DLGAP2: variants seen among roughly 807,000 people sequenced by gnomAD.
DLGAP2 encodes disks large-associated protein 2.
A neutral mutation model predicts 100.3 loss-of-function variants in DLGAP2; 26 were observed. The observed-to-expected ratio is 0.26, with a 90% CI of 0.19 to 0.36. The LOEUF is 0.36. Among genes scored for constraint, DLGAP2 ranks in the 10% least tolerant of loss-of-function variants. The probability of loss-of-function intolerance (pLI) is 1.00; values close to 1 mark genes in which losing one functional copy is unlikely to be tolerated. For synonymous variants in DLGAP2, 886 were observed against 630.1 expected (o/e 1.41, Z -6.08); for missense variants, 1,858 against 1,453.2 (o/e 1.28, Z -4.53).
chr8:968,688 A>G (rs1799940557), intron 2 of DLGAP2, among the ~76,000 whole-genome samples: 1 of 152,186 alleles, frequency 6.6e-6, no homozygotes, highest in Non-Finnish European at 1.5e-5. Context: ...GACGAAAGAA[A>G]GAAAGCCCTT....
chr8:1,172,002 G>A (rs1585120210), intron 2 of DLGAP2, among the ~76,000 whole-genome samples: 1 of 152,270 alleles, frequency 6.6e-6, no homozygotes, highest in South Asian at 2.1e-4. Context: ...ATTTTGGCAT[G>A]ATTTTGCAGT....
At chr8:1,148,865 G>C (rs577117727) in intron 2 of DLGAP2, among the ~76,000 whole-genome samples, 1 of 152,242 alleles carries the variant, frequency 6.6e-6, no homozygotes, top group South Asian at 2.1e-4. Context: ...TTTGGCAAAT[G>C]TTTTGTGTGT....
chr8:809,688 G>T (rs1056214364), intron 1 of DLGAP2, among the ~76,000 whole-genome samples: 31 of 152,154 alleles, frequency 2.0e-4, no homozygotes, highest in Non-Finnish European at 3.7e-4. Flanking sequence ...TTGTTTTCAT[G>T]TGAGCTCACC....
chr8:1,310,591 G>C (rs1328280391), intron 3 of DLGAP2, among the ~76,000 whole-genome samples: 1 of 152,186 alleles, frequency 6.6e-6, no homozygotes, highest in Admixed American at 6.5e-5. Flanking sequence ...CCACATGTTA[G>C]GCCAAAAGAC....
intron 5 of DLGAP2, among the ~76,000 whole-genome samples, chr8:1,559,931 G>A (rs1174049416): frequency 6.6e-6 from 1 of 152,116 alleles, no homozygotes; most frequent in African/African-American, 2.4e-5. Context: ...CCTGATCCTG[G>A]CCCCTCCCGT....
intron 2 of DLGAP2, among the ~76,000 whole-genome samples, chr8:1,173,208 C>T (rs1252636720): frequency 2.0e-5 from 3 of 152,176 alleles, no homozygotes; most frequent in Non-Finnish European, 2.9e-5. Context: ...TTTTCGTGAA[C>T]CGCGAATGCT....
chr8:883,807 C>A (rs1220076505), intron 1 of DLGAP2, among the ~76,000 whole-genome samples: 1 of 152,206 alleles, frequency 6.6e-6, no homozygotes, highest in Non-Finnish European at 1.5e-5. Context: ...TAACTCGCAA[C>A]AGGCCCTGGT....
chr8:1,200,465 C>A (rs996828668), intron 2 of DLGAP2, among the ~76,000 whole-genome samples: 42 of 152,290 alleles, frequency 2.8e-4, no homozygotes, highest in African/African-American at 9.9e-4. Context: ...ATGCTTGTTC[C>A]TCATAAACCA....
intron 2 of DLGAP2, among the ~76,000 whole-genome samples, chr8:1,197,131 C>T (rs895272637): frequency 6.6e-6 from 1 of 152,228 alleles, no homozygotes; most frequent in African/African-American, 2.4e-5. Context: ...AGGATGCACA[C>T]CCGCATTGCA....
Position 794,522 on chromosome 8 carries a change from G to T in DLGAP2, c.18+56697G>T, listed in dbSNP as rs1050810694. 3.3e-5 allele frequency among the ~76,000 whole-genome samples: 5 copies of T among 152,312 alleles called. No homozygotes were observed. The South Asian group carries it at 1.0e-3, about 32-fold the overall frequency. On this transcript the variant is annotated intron_variant, in intron 1 of 14. Transcript: ENST00000637795. ...GGGCTGAATTAAAGGAATAGGTTGG[G>T]CTAGTTAACTGCAGCAGGAGCATGT...
intron 8 of DLGAP2, among the ~76,000 whole-genome samples, chr8:1,665,021 C>CAA (rs1374269841): frequency 1.4e-4 from 21 of 152,134 alleles, no homozygotes; most frequent in African/African-American, 5.1e-4. Flanking sequence ...GTGTGGCATG[C>CAA]AACTACATTT....
intron 2 of DLGAP2, among the ~76,000 whole-genome samples, chr8:1,165,291 G>A (rs948886096): frequency 4.2e-4 from 64 of 151,740 alleles, no homozygotes; most frequent in African/African-American, 1.4e-3. Flanking sequence ...GAGATGGGGA[G>A]AGAGACAGGG....
intron 1 of DLGAP2, among the ~76,000 whole-genome samples, chr8:822,501 A>T (rs1446657212): frequency 2.0e-5 from 3 of 152,192 alleles, no homozygotes; most frequent in African/African-American, 7.2e-5. Flanking sequence ...TGCTGTTATC[A>T]TTGGCAGTGG....
At chr8:1,526,879 G>A (rs1800812790) in intron 4 of DLGAP2, among the ~76,000 whole-genome samples, 1 of 152,230 alleles carries the variant, frequency 6.6e-6, no homozygotes, top group Non-Finnish European at 1.5e-5. Flanking sequence ...AGCAGAGCCT[G>A]GAAAGGGGGC....
At chr8:827,918 C>G (rs1585906650) in intron 1 of DLGAP2, among the ~76,000 whole-genome samples, 1 of 152,096 alleles carries the variant, frequency 6.6e-6, no homozygotes, top group East Asian at 1.9e-4. Context: ...AATTTTAAAG[C>G]TGGGTGTCCG....
intron 3 of DLGAP2, among the ~76,000 whole-genome samples, chr8:1,468,058 G>C (rs11989737): frequency 0.052 from 7,958 of 152,312 alleles, 317 homozygotes; most frequent in Middle Eastern, 0.13. Context: ...CTTGCATCTT[G>C]ACCCCTGTAC....
chr8:1,171,564 C>T (rs1481601302), intron 2 of DLGAP2, among the ~76,000 whole-genome samples: 2 of 152,034 alleles, frequency 1.3e-5, no homozygotes, highest in South Asian at 2.1e-4. Flanking sequence ...AATCTGGGTG[C>T]TCCTGTATTG....
At chr8:1,606,363 A>C (rs534265165) in intron 6 of DLGAP2, among the ~76,000 whole-genome samples, 1 of 152,258 alleles carries the variant, frequency 6.6e-6, no homozygotes, top group East Asian at 1.9e-4. Context: ...CCATTTTAGA[A>C]CATAAACTTT....
chr8:1,381,581 C>T (rs970916333), intron 3 of DLGAP2, among the ~76,000 whole-genome samples: 4 of 152,130 alleles, frequency 2.6e-5, no homozygotes, highest in African/African-American at 4.8e-5. Context: ...CTCCCCGTTC[C>T]GCTTTCCCTG....
Sources: allele counts gnomAD v4.1 joint callset (sites outside exome capture counted in the v4.1 genomes callset), GRCh38; gene constraint gnomAD v4.1.1; transcripts MANE v1.5; gene names NCBI Gene and HGNC (gene_info 2026-07-23, HGNC 2026-07-21).